Variants in PER1 observed in about 807,000 individuals in gnomAD.
PER1 encodes the protein period circadian protein homolog 1.
Under a neutral mutation model 125.9 loss-of-function variants are expected in PER1, and 87 were observed. That is an observed-to-expected ratio of 0.69 (90% CI 0.58 to 0.83). The LOEUF (loss-of-function observed/expected upper bound fraction) is 0.83. PER1 is among the 40% of genes least tolerant of loss of function. The pLI, the probability that PER1 is intolerant of heterozygous loss-of-function variation, is 0.00. For missense variants in PER1, 1,775 were observed against 1,722.8 expected (o/e 1.03, Z -0.54); for synonymous variants, 801 against 714.7 (o/e 1.12, Z -1.93).
chr17:8,150,237 G>A lies in PER1; in HGVS notation c.356C>T (p.Pro119Leu), dbSNP rs757334007. ...GACGTACCTGCAGCCACTGGTGGAC[G>A]GGTTGTCCTGCTCTGAGCTGGCACT... is the stretch of plus-strand genomic sequence containing the variant. The part of the protein sequence containing the change: ...LLSASSEQDN[P>L]STSGCSSEQS... Residue 119 changes from proline to leucine, a missense_variant, in exon 3 of 23, where the codon CCG becomes CTG. Physicochemically the swap from Pro to Leu is moderately conservative, Grantham distance 98. Transcript: ENST00000317276. The A allele has an allele frequency of 1.1e-5, 18 of 1,580,792 alleles. No individual in the cohort carries two copies. In the Admixed American group the frequency reaches 1.2e-4, roughly 11 times the overall value.
chr17:8,143,084 C>T (rs767342673), intron 19 of PER1, among the ~76,000 whole-genome samples, 182 bp downstream of exon 19: 11 of 152,212 alleles, frequency 7.2e-5, no homozygotes, highest in Non-Finnish European at 8.8e-5. Flanking sequence ...GTCAGACAGA[C>T]AGGACTGTCC....
chr17:8,146,309 G>A (rs1982431991), intron 16 of PER1, 63 bp downstream of exon 16: 6 of 1,549,242 alleles, frequency 3.9e-6, no homozygotes, highest in Non-Finnish European at 5.2e-6. Context: ...AAGCAGAAGG[G>A]AAAAGACACA....
Position 8,140,952 on chromosome 17 carries a change from G to T in PER1, c.*116C>A. 5 of 1,212,270 alleles carry T rather than the reference G, an allele frequency of 4.1e-6. No homozygotes were observed. Among genetic ancestry groups the T allele is most frequent in the Non-Finnish European group, 5.8e-6 (5 of 857,232 alleles). The allele number at this position is 1,212,270 out of a possible 1,614,324, so 75.1% of individuals were successfully genotyped here. On this transcript the variant is annotated 3_prime_UTR_variant, in exon 23 of 23. Transcript: ENST00000317276. ...TGATGGGGGTCCGGCCCCCTATGGT[G>T]GGAGAAGCTGGGGCAGTTTCCCACT...
intron 21 of PER1, 74 bp downstream of exon 21, chr17:8,142,191 GAGCC>G: frequency 7.9e-7 from 1 of 1,263,648 alleles, no homozygotes; most frequent in Non-Finnish European, 1.1e-6. Flanking sequence ...ATCCAGGGCA[GAGCC>G]AGCCCCAGAA....
chr17:8,148,318 T>C, intron 8 of PER1, 59 bp from the exon 9 acceptor site: 1 of 1,417,634 alleles, frequency 7.1e-7, no homozygotes, highest in East Asian at 2.3e-5. Context: ...TCCTCAGCCC[T>C]CCACTCTGCC....
intron 7 of PER1, chr17:8,148,989 G>C: frequency 1.6e-6 from 1 of 638,628 alleles, no homozygotes; most frequent in Non-Finnish European, 2.7e-6. Context: ...AGGAGTTCGA[G>C]ACCAGCCTGG....
At position 8,145,140 on chromosome 17, in the gene PER1, A is replaced by C. The variant is rs1036479129; in HGVS notation, c.2219-147T>G. On this transcript the variant is annotated intron_variant, in intron 17 of 22. Transcript: ENST00000317276. The stretch of plus-strand genomic sequence containing the variant: ...TGGTCTCCATGTACGTTTCTTGGTC[A>C]CCTCTCTGCCAACGGCTGGCCCTGG... 7.3e-6 allele frequency: 6 copies of C among 825,688 alleles called. No individual in the cohort carries two copies. In the Admixed American group the frequency reaches 1.7e-4, roughly 24 times the overall value. 51.1% of individuals were successfully genotyped at this position (825,688 alleles called of 1,614,324 possible).
At chr17:8,145,072 A>G in intron 17 of PER1, 79 bp from the exon 18 acceptor site, 4 of 1,341,530 alleles carry the variant, frequency 3.0e-6, no homozygotes, top group Non-Finnish European at 3.8e-6. Flanking sequence ...TCCCTGTCTG[A>G]TAGCCTAGCC....
chr17:8,149,447 G>A lies in PER1; in HGVS notation c.853+15C>T, dbSNP rs777985202. 30 of 1,610,840 alleles carry A rather than the reference G, an allele frequency of 1.9e-5. No homozygotes were observed. Among genetic ancestry groups the A allele is most frequent in the Admixed American group, 6.7e-5 (4 of 59,904 alleles). ...GGGACTGCTCATGCCTCCCCACAGCGCTTGGGCACCTCACCTGCTGAGGCC... is the reference window on the plus strand; with the variant it reads ...GGGACTGCTCATGCCTCCCCACAGCACTTGGGCACCTCACCTGCTGAGGCC... On this transcript the variant is annotated intron_variant, in intron 6 of 22. Transcript: ENST00000317276.
intron 18 of PER1, 144 bp from the exon 19 acceptor site, chr17:8,144,020 A>C: frequency 2.7e-5 from 34 of 1,275,072 alleles, no homozygotes; most frequent in Non-Finnish European, 3.1e-5. Flanking sequence ...CGGGGGACTC[A>C]GGAGGTGGGG....
rs925012034 is a variant in PER1 at position 8,143,660 on chromosome 17, C to A, written c.2678G>T (p.Gly893Val). Residue 893 changes from glycine to valine, a missense_variant, in exon 19 of 23, where the codon GGA (glycine) becomes GTA (valine). Transcript: ENST00000317276. ...PYPLPVFSPR[G>V]GPQPLPPAPT... ...AGCAGGGGGAAGAGGCTGGGGGCCTCCTCGAGGAGAGAACACTGGGAGAGG... is the reference window on the plus strand; with the variant it reads ...AGCAGGGGGAAGAGGCTGGGGGCCTACTCGAGGAGAGAACACTGGGAGAGG... 4 of 1,461,900 alleles carry A rather than the reference C, an allele frequency of 2.7e-6. No individual in the cohort carries two copies. Among genetic ancestry groups the A allele is most frequent in the Non-Finnish European group, 3.6e-6 (4 of 1,100,874 alleles). The allele number at this position is 1,461,900 out of a possible 1,614,324, so 90.6% of individuals were successfully genotyped here.
At chr17:8,148,858 G>A in intron 7 of PER1, 72 bp from the exon 8 acceptor site, 1 of 1,554,260 alleles carries the variant, frequency 6.4e-7, no homozygotes, top group Non-Finnish European at 8.8e-7. Flanking sequence ...TAAGGTCACA[G>A]CAGACAACAG....
Position 8,150,829 on chromosome 17 carries a change from T to G in PER1, c.-123A>C. ...TCTAAGTCTCTGAGGGTTGAGAAGT[T>G]CGATCACAGCCAGTACCTGGAGAGG... On this transcript the variant is annotated 5_prime_UTR_variant, in exon 2 of 23. Transcript: ENST00000317276. 1 of 896,982 alleles carries G rather than the reference T, an allele frequency of 1.1e-6. No individual in the cohort carries two copies. The highest frequency in any genetic ancestry group is 1.6e-6 in the Non-Finnish European group (1 of 608,372). 55.6% of individuals were successfully genotyped at this position (896,982 alleles called of 1,614,324 possible). A position where few individuals can be genotyped will look rare whatever the true frequency, so the allele number is the denominator to read the frequency against.
Position 8,143,308 on chromosome 17 carries a change from G to A in PER1, c.3030C>T (p.Pro1010=), listed in dbSNP as rs765035215. Residue 1010 remains proline, a synonymous_variant, in exon 19 of 23, where the codon CCC becomes CCT. Coordinates refer to ENST00000317276, the MANE Select transcript of PER1 (RefSeq NM_002616.3). ...VAGGPGSSAG[P]PPPSAEAAEP... ...CAGCAGCCTCCGCACTGGGAGGTGG[G>A]GGCCCGGCACTGCTCCCAGGGCCTC... 1 of 1,588,316 alleles carries A rather than the reference G, an allele frequency of 6.3e-7. No homozygotes were observed. The highest frequency in any genetic ancestry group is 1.1e-5 in the South Asian group (1 of 87,250).
chr17:8,147,090 TG>T, intron 13 of PER1, 88 bp from the exon 14 acceptor site: 3 of 1,388,978 alleles, frequency 2.2e-6, no homozygotes, highest in Non-Finnish European at 1.0e-6. Context: ...AAGGTACCAG[TG>T]GGGAGGCACA....
At position 8,146,912 on chromosome 17, in the gene PER1, G is replaced by A. The variant is rs781105048; in HGVS notation, c.1720C>T (p.Arg574Trp). The change falls in exon 14 of 23, where the codon CGG (arginine) becomes TGG (tryptophan). Residue 574 changes from arginine (R) to tryptophan (W), a missense_variant. Physicochemically the swap from Arg to Trp is moderately radical, Grantham distance 101. Coordinates refer to ENST00000317276, the MANE Select transcript of PER1 (RefSeq NM_002616.3). Reference protein sequence around the residue: ...FIESRARPQSRPRLPATGTFK... With the variant: ...FIESRARPQSWPRLPATGTFK... ...ATCAACTCACCAGGGAGGCGGGGCC[G>A]GGACTGAGGCCGGGCCCGAGACTCA... is the stretch of plus-strand genomic sequence containing the variant. The A allele has an allele frequency of 8.1e-6, 13 of 1,613,756 alleles. No individual in the cohort carries two copies. The highest frequency in any genetic ancestry group is 6.7e-5 in the East Asian group (3 of 44,886).
In PER1 at chr17:8,149,982, T is replaced by C. The variant is rs1982733503; in HGVS notation, c.518A>G (p.Lys173Arg). ...ATLQYALACVKQVQANQEYYQ... is the reference protein window; with the variant it reads ...ATLQYALACVRQVQANQEYYQ... The stretch of plus-strand genomic sequence containing the variant: ...GACACACCACTTACCCTGCACCTGC[T>C]TGACACAGGCCAGTGCGTACTGCAG... The change falls in exon 4 of 23, where the codon AAG (lysine) becomes AGG (arginine). Residue 173 changes from lysine (K) to arginine (R), a missense_variant. Physicochemically the swap from Lys to Arg is conservative, Grantham distance 26. Coordinates refer to ENST00000317276, the MANE Select transcript of PER1 (RefSeq NM_002616.3). The C allele has an allele frequency of 1.2e-6, 2 of 1,613,572 alleles. No individual in the cohort carries two copies. The highest frequency in any genetic ancestry group is 2.2e-5 in the East Asian group (1 of 44,848).
chr17:8,148,341 G>C, intron 8 of PER1, 82 bp from the exon 9 acceptor site: 1 of 1,212,380 alleles, frequency 8.2e-7, no homozygotes, highest in South Asian at 1.3e-5. Flanking sequence ...GGCCCAGGCT[G>C]GCTGATGATC....
At position 8,141,927 on chromosome 17, in the gene PER1, G is replaced by C. The variant is rs142812822; in HGVS notation, c.3478C>G (p.Arg1160Gly). ...RDMTSVLKQD[R>G]ERLRAMQKQQ... ...TTCTGCATGGCTCGGAGCCGCTCCC[G>C]ATCCTGCTTCAGCACAGAGGTCATG... Residue 1160 changes from arginine (R) to glycine (G), a missense_variant, in exon 22 of 23, where the codon CGG (arginine) becomes GGG (glycine). Transcript: ENST00000317276. 8 of 1,613,972 alleles carry C rather than the reference G, an allele frequency of 5.0e-6. No homozygotes were observed. The highest frequency in any genetic ancestry group is 5.1e-6 in the Non-Finnish European group (6 of 1,180,010).
Sources: allele counts gnomAD v4.1 joint callset (sites outside exome capture counted in the v4.1 genomes callset), GRCh38; gene constraint gnomAD v4.1.1; transcripts MANE v1.5; gene names NCBI Gene and HGNC (gene_info 2026-07-23, HGNC 2026-07-21).